CACNA1S: variants seen among roughly 807,000 people sequenced by gnomAD.
CACNA1S encodes calcium voltage-gated channel subunit alpha1 S, also known as voltage-dependent L-type calcium channel subunit alpha-1S.
In CACNA1S, 126 loss-of-function variants were observed where a neutral mutation model predicts 207.4. That is an observed-to-expected ratio of 0.61 (90% CI 0.53 to 0.70). CACNA1S has a LOEUF of 0.70. Ranked by LOEUF, CACNA1S falls within the 30% of genes least tolerant of loss-of-function variation. The probability of loss-of-function intolerance (pLI) is 0.00; values close to 1 mark genes in which losing one functional copy is unlikely to be tolerated. For synonymous variants in CACNA1S, 960 were observed against 932.7 expected (o/e 1.03, Z -0.53); for missense variants, 2,349 against 2,422.8 (o/e 0.97, Z 0.64).
chr1:201,095,930 C>A (rs986072646), intron 2 of CACNA1S, among the ~76,000 whole-genome samples: 1 of 152,176 alleles, frequency 6.6e-6, no homozygotes, highest in Non-Finnish European at 1.5e-5. Context: ...GGGAGTCAGG[C>A]ACACCATTAA....
At chr1:201,081,210 G>A (rs1254629724) in intron 10 of CACNA1S, among the ~76,000 whole-genome samples, 2 of 152,186 alleles carry the variant, frequency 1.3e-5, no homozygotes, top group African/African-American at 4.8e-5. Context: ...GAACCCAGCT[G>A]CTACCCATTA....
Position 201,070,432 on chromosome 1 carries a change from G to A in CACNA1S, c.2228-28C>T, listed in dbSNP as rs372461139. The stretch of plus-strand genomic sequence containing the variant: ...GTGGGGAGAGAGAGAGGAATTAGGG[G>A]TGTCTTCCCATGCTTTGCTATGCCC... On this transcript the variant is annotated intron_variant, in intron 16 of 43. Coordinates refer to ENST00000362061, the MANE Select transcript of CACNA1S (RefSeq NM_000069.3). 1.6e-5 allele frequency: 26 copies of A among 1,613,004 alleles called. No homozygotes were observed. The South Asian group carries it at 2.6e-4, about 16-fold the overall frequency.
intron 39 of CACNA1S, 34 bp from the exon 40 acceptor site, chr1:201,043,565 G>A (rs752100796): frequency 3.1e-6 from 5 of 1,605,290 alleles, no homozygotes; most frequent in African/African-American, 1.3e-5. Flanking sequence ...GACTGGGGGT[G>A]AGGGCAGGGA....
In CACNA1S at chr1:201,047,130, G is replaced by A; in HGVS notation, c.4653C>T (p.Asp1551=). The A allele has an allele frequency of 6.2e-7, 1 of 1,614,186 alleles. No individual in the cohort carries two copies. The highest frequency in any genetic ancestry group is 8.5e-7 in the Non-Finnish European group (1 of 1,180,032). ...TTGGGCTTACCTGGATCTGTACAAT[G>A]TCCTTCTTGGGCCGATAGCCATAAT... ...EEYYGYRPKK[D]IVQIQAGLRT... Residue 1551 remains aspartate, a synonymous_variant, in exon 38 of 44, where the codon GAC becomes GAT. Coordinates refer to ENST00000362061, the MANE Select transcript of CACNA1S (RefSeq NM_000069.3).
At chr1:201,095,517 C>T (rs1001614084) in intron 2 of CACNA1S, among the ~76,000 whole-genome samples, 10 of 152,160 alleles carry the variant, frequency 6.6e-5, no homozygotes, top group South Asian at 4.1e-4. Context: ...GTGGATATGG[C>T]TCCAGAAACC....
chr1:201,109,522 A>AAT (rs1184236539), intron 2 of CACNA1S, among the ~76,000 whole-genome samples: 1 of 152,220 alleles, frequency 6.6e-6, no homozygotes, highest in African/African-American at 2.4e-5. Context: ...TTGAGTAAGT[A>AAT]AGTCCCTGAA....
Position 201,053,228 on chromosome 1 carries a change from T to C in CACNA1S, c.3842A>G (p.Tyr1281Cys). 6.2e-7 allele frequency: 1 copy of C among 1,614,232 alleles called. No individual in the cohort carries two copies. The highest frequency in any genetic ancestry group is 8.5e-7 in the Non-Finnish European group (1 of 1,180,044). ...TCTCACCTGCATGCCGATGACAGCG[T>C]AGATGAAGAAGAGCATGACGATGAG... is the stretch of plus-strand genomic sequence containing the variant. ...ALLIVMLFFI[Y>C]AVIGMQMFGK... Residue 1281 changes from tyrosine (Y) to cysteine (C), a missense_variant, in exon 31 of 44, where the codon TAC becomes TGC. Tyr to Cys is a radical substitution (Grantham distance 194). Coordinates refer to ENST00000362061, the MANE Select transcript of CACNA1S (RefSeq NM_000069.3). The surrounding 1 kb of genome is among the most constrained non-coding windows in gnomAD (Gnocchi z 5.1).
At chr1:201,060,592 C>T (rs1385540372) in intron 26 of CACNA1S, 66 bp downstream of exon 26, 1 of 1,561,720 alleles carries the variant, frequency 6.4e-7, no homozygotes, top group East Asian at 2.3e-5. Context: ...CTGCCCTACT[C>T]ATCCTGCCCT....
intron 28 of CACNA1S, among the ~76,000 whole-genome samples, chr1:201,055,983 A>G (rs1660825410): frequency 6.6e-6 from 1 of 152,062 alleles, no homozygotes; most frequent in Non-Finnish European, 1.5e-5. Flanking sequence ...CTGTCAAACC[A>G]TGGAGGCTTT....
chr1:201,085,341 G>C lies in CACNA1S; in HGVS notation c.1150+95C>G, dbSNP rs556768594. 1.5e-5 allele frequency: 23 copies of C among 1,528,464 alleles called. No individual in the cohort carries two copies. The South Asian group carries it at 2.4e-4, about 16-fold the overall frequency. The allele number at this position is 1,528,464 out of a possible 1,614,324, so 94.7% of individuals were successfully genotyped here. On this transcript the variant is annotated intron_variant, in intron 8 of 43. Coordinates refer to ENST00000362061, the MANE Select transcript of CACNA1S (RefSeq NM_000069.3). Reference sequence around the variant, plus strand: ...AGTCACTCACCCTCAAAGGACTAATGTTGGACTTGCTCAGTGGGCCTGATT... The same window carrying C: ...AGTCACTCACCCTCAAAGGACTAATCTTGGACTTGCTCAGTGGGCCTGATT...
At chr1:201,043,553 G>A in intron 39 of CACNA1S, 22 bp from the exon 40 acceptor site, 1 of 1,613,276 alleles carries the variant, frequency 6.2e-7, no homozygotes, top group Non-Finnish European at 8.5e-7. Flanking sequence ...GAGAAGAGCA[G>A]TGACTGGGGG....
chr1:201,106,094 G>T (rs1182652968), intron 2 of CACNA1S, among the ~76,000 whole-genome samples: 1 of 152,010 alleles, frequency 6.6e-6, no homozygotes, highest in Non-Finnish European at 1.5e-5. Flanking sequence ...TGCAGTCTTG[G>T]TAAGTGATAC....
intron 15 of CACNA1S, 145 bp from the exon 16 acceptor site, chr1:201,072,969 AT>A: frequency 1.3e-6 from 1 of 771,244 alleles, no homozygotes. Context: ...GATCATCCCC[AT>A]TTTACAAATG....
chr1:201,110,340 G>T, intron 1 of CACNA1S, 71 bp from the exon 2 acceptor site: 1 of 1,318,960 alleles, frequency 7.6e-7, no homozygotes, highest in South Asian at 1.2e-5. Flanking sequence ...TGAGGGCGCT[G>T]AGGGTCAGTC....
intron 16 of CACNA1S, among the ~76,000 whole-genome samples, chr1:201,072,256 C>T (rs1015805744): frequency 6.6e-6 from 1 of 152,188 alleles, no homozygotes; most frequent in Non-Finnish European, 1.5e-5. Context: ...TATCCATGCT[C>T]CCCCTACCCC....
rs193157424 is a variant in CACNA1S at position 201,040,745 on chromosome 1, G to T, written c.5135-32C>A. On this transcript the variant is annotated intron_variant, in intron 41 of 43. Transcript: ENST00000362061. Reference sequence around the variant, plus strand: ...GCAAGAAGGGGCAAGGATAAGAGGGGCTGCTGACTCCTGCCAGGAGCCCTG... The same window carrying T: ...GCAAGAAGGGGCAAGGATAAGAGGGTCTGCTGACTCCTGCCAGGAGCCCTG... 5 of 1,566,006 alleles carry T rather than the reference G, an allele frequency of 3.2e-6. No homozygotes were observed. In the South Asian group the frequency reaches 5.6e-5, roughly 17 times the overall value.
intron 7 of CACNA1S, 76 bp downstream of exon 7, chr1:201,087,735 TGTTTCTTTTCCCTCC>T: frequency 3.8e-6 from 2 of 522,612 alleles, no homozygotes; most frequent in South Asian, 1.6e-5. Context: ...CCACCCCTCC[TGTTTCTTTTCCCTCC>T]GTTCCTTTTC....
chr1:201,110,509 T>A (rs1663059227), intron 1 of CACNA1S, among the ~76,000 whole-genome samples: 1 of 152,148 alleles, frequency 6.6e-6, no homozygotes, highest in African/African-American at 2.4e-5. Flanking sequence ...GTAGACTCCT[T>A]GGAATGGCAA....
intron 25 of CACNA1S, 152 bp downstream of exon 25, chr1:201,061,115 A>G (rs1661030675): frequency 1.4e-6 from 1 of 707,270 alleles, no homozygotes; most frequent in East Asian, 2.7e-5. Context: ...CAGTTTGGAG[A>G]TAGGGTAGGG....
Sources: allele counts gnomAD v4.1 joint callset (sites outside exome capture counted in the v4.1 genomes callset), GRCh38; gene constraint gnomAD v4.1.1; non-coding constraint Gnocchi (gnomAD v3.1); transcripts MANE v1.5; gene names NCBI Gene and HGNC (gene_info 2026-07-23, HGNC 2026-07-21).